ACSS1: variants seen among roughly 807,000 people sequenced by gnomAD.
ACSS1 encodes the protein acetyl-coenzyme A synthetase 2-like, mitochondrial.
In ACSS1, 42 loss-of-function variants were observed where a neutral mutation model predicts 75.3. That is an observed-to-expected ratio of 0.56 (90% CI 0.44 to 0.72). ACSS1 has a LOEUF of 0.72. Among genes scored for constraint, ACSS1 ranks in the 30% least tolerant of loss-of-function variants. ACSS1 has a pLI of 0.00. For missense variants in ACSS1, 782 were observed against 935.7 expected (o/e 0.84, Z 2.14); for synonymous variants, 380 against 376.8 (o/e 1.01, Z -0.10).
At position 25,030,441 on chromosome 20, in the gene ACSS1, TC is replaced by T. The variant is rs1209186121; in HGVS notation, c.631+317del. On this transcript the variant is annotated intron_variant, in intron 3 of 13. Transcript: ENST00000323482. ...TGTGCATCTCCAGCCTTATCCCACCTCCACACTTCCCTCCTGCCGCACTACA... is the reference window on the plus strand; with the variant it reads ...TGTGCATCTCCAGCCTTATCCCACCTCACACTTCCCTCCTGCCGCACTACA... 2.0e-5 allele frequency among the ~76,000 whole-genome samples: 3 copies of T among 152,138 alleles called. No individual in the cohort carries two copies. In the East Asian group the frequency reaches 5.8e-4, roughly 29 times the overall value.
At chr20:25,015,010 C>T (rs1343391662) in intron 8 of ACSS1, 128 bp downstream of exon 8, 8 of 725,298 alleles carry the variant, frequency 1.1e-5, no homozygotes, top group African/African-American at 1.8e-5. Flanking sequence ...CCAGGGTTTC[C>T]GCAGTCTCGG....
chr20:25,009,195 C>T, intron 13 of ACSS1, 75 bp downstream of exon 13: 1 of 1,312,774 alleles, frequency 7.6e-7, no homozygotes, highest in Non-Finnish European at 1.1e-6. Flanking sequence ...TAATATGCTC[C>T]TAAAAGATCA....
At chr20:25,057,459 C>G (rs1400220581) in intron 1 of ACSS1, among the ~76,000 whole-genome samples, 1 of 152,228 alleles carries the variant, frequency 6.6e-6, no homozygotes, top group Non-Finnish European at 1.5e-5. Flanking sequence ...CACCCGGTAA[C>G]GCAACTCTGG....
chr20:25,023,488 T>TC lies in ACSS1; in HGVS notation c.784dup (p.Asp262GlyfsTer25). 1 of 1,613,964 alleles carries TC rather than the reference T, an allele frequency of 6.2e-7. No homozygotes were observed. Among genetic ancestry groups the TC allele is most frequent in the Non-Finnish European group, 8.5e-7 (1 of 1,180,002 alleles). On this transcript the variant is annotated frameshift_variant, in exon 4 of 14. Coordinates refer to ENST00000323482, the MANE Select transcript of ACSS1 (RefSeq NM_032501.4). LOFTEE classifies it high-confidence loss of function. ...CACCTGCTCCAGCGGGACGTCCAGATCCCCCATGTGGACCTTGTTGTCTGT... is the reference window on the plus strand; with the variant it reads ...CACCTGCTCCAGCGGGACGTCCAGATCCCCCCATGTGGACCTTGTTGTCTGT...
intron 2 of ACSS1, among the ~76,000 whole-genome samples, chr20:25,033,680 C>T (rs2088864352): frequency 6.6e-6 from 1 of 152,206 alleles, no homozygotes; most frequent in African/African-American, 2.4e-5. Context: ...GGAGAGTGTC[C>T]TCCAGGAGCA....
At chr20:25,028,551 AC>A (rs2088768180) in intron 3 of ACSS1, among the ~76,000 whole-genome samples, 2 of 152,248 alleles carry the variant, frequency 1.3e-5, no homozygotes, top group African/African-American at 4.8e-5. Context: ...CGCTGGGACC[AC>A]TGGATAGCCA....
rs769108978 is a variant in ACSS1, at chr20:25,012,832, C to T, written c.1687G>A (p.Ala563Thr). 6.8e-6 allele frequency: 11 copies of T among 1,614,020 alleles called. No individual in the cohort carries two copies. The highest frequency in any genetic ancestry group is 5.3e-5 in the African/African-American group (4 of 74,918). ...INISGHRLGT[A>T]EIEDAIADHP... ...CTCACGATGGCGTCCTCAATCTCTG[C>T]GGTCCCCAGCCGGTGGCCACTGATG... The change falls in exon 11 of 14, where the codon GCA becomes ACA. Residue 563 changes from alanine to threonine, a missense_variant. By Grantham distance (58) the Ala-to-Thr change is moderately conservative. This residue lies in a region of ACSS1 where 405 missense variants were observed against 552.6 expected (regional missense o/e 0.73). Transcript: ENST00000323482.
chr20:25,054,601 A>G (rs1195159141), intron 1 of ACSS1, among the ~76,000 whole-genome samples: 4 of 152,326 alleles, frequency 2.6e-5, no homozygotes, highest in South Asian at 4.1e-4. Flanking sequence ...CCCAGCCACC[A>G]TGCTGTGACA....
chr20:25,032,953 G>A (rs1006453379), intron 2 of ACSS1, among the ~76,000 whole-genome samples: 2 of 152,248 alleles, frequency 1.3e-5, no homozygotes, highest in African/African-American at 4.8e-5. Context: ...CAGGCTTTCA[G>A]AAGGAGGACA....
In ACSS1 at chr20:25,007,738, C is replaced by T. The variant is rs1268782207; in HGVS notation, c.*24G>A. The T allele has an allele frequency of 1.9e-6, 3 of 1,611,116 alleles. No individual in the cohort carries two copies. The highest frequency in any genetic ancestry group is 2.5e-6 in the Non-Finnish European group (3 of 1,178,002). Reference sequence around the variant, plus strand: ...GCCAGGGCTTGGGTGCCCGCCCATCCCAAGAGCCCCACAAGGTGCCAGCTC... The same window carrying T: ...GCCAGGGCTTGGGTGCCCGCCCATCTCAAGAGCCCCACAAGGTGCCAGCTC... On this transcript the variant is annotated 3_prime_UTR_variant, in exon 14 of 14. Transcript: ENST00000323482.
At position 25,014,093 on chromosome 20, in the gene ACSS1, G is replaced by A. The variant is rs1252229747; in HGVS notation, c.1340-20C>T. Reference sequence around the variant, plus strand: ...CTGTTTCTGCAGGTATGACAAGAAAGAAATGCATAATCGGCCCCGGACCCA... The same window carrying A: ...CTGTTTCTGCAGGTATGACAAGAAAAAAATGCATAATCGGCCCCGGACCCA... On this transcript the variant is annotated intron_variant, in intron 8 of 13. Coordinates refer to ENST00000323482, the MANE Select transcript of ACSS1 (RefSeq NM_032501.4). 3 of 1,581,548 alleles carry A rather than the reference G, an allele frequency of 1.9e-6. No homozygotes were observed. In the East Asian group the frequency reaches 6.9e-5, roughly 36 times the overall value.
chr20:25,050,642 G>A (rs1349031765), intron 1 of ACSS1, among the ~76,000 whole-genome samples: 1 of 152,034 alleles, frequency 6.6e-6, no homozygotes, highest in Non-Finnish European at 1.5e-5. Flanking sequence ...GATGAAGCAG[G>A]AAGGGCTCGA....
intron 1 of ACSS1, among the ~76,000 whole-genome samples, chr20:25,050,760 A>G (rs866919753): frequency 1.2e-4 from 19 of 152,058 alleles, no homozygotes; most frequent in African/African-American, 4.6e-4. Context: ...CCCAACTTCA[A>G]ACAGGCCCTC....
At chr20:25,024,812 T>C (rs1375160020) in intron 3 of ACSS1, among the ~76,000 whole-genome samples, 2 of 152,162 alleles carry the variant, frequency 1.3e-5, no homozygotes, top group South Asian at 2.1e-4. Context: ...GTCATGGCCA[T>C]GAGGGTTCCC....
At chr20:25,057,643 C>T in intron 1 of ACSS1, 126 bp downstream of exon 1, 2 of 869,940 alleles carry the variant, frequency 2.3e-6, no homozygotes, top group Non-Finnish European at 3.4e-6. Flanking sequence ...GACGGAATAC[C>T]GGAGGAGGGG....
chr20:25,021,316 C>G, intron 6 of ACSS1, 73 bp downstream of exon 6: 1 of 1,557,052 alleles, frequency 6.4e-7, no homozygotes, highest in South Asian at 1.2e-5. Flanking sequence ...ATGAACCTCT[C>G]CACAAGCCTC....
chr20:25,043,099 A>G (rs1226898477), intron 2 of ACSS1, among the ~76,000 whole-genome samples: 1 of 151,952 alleles, frequency 6.6e-6, no homozygotes, highest in Non-Finnish European at 1.5e-5. Context: ...GGCAGGGCAC[A>G]GCCTCCCGCC....
At chr20:25,012,374 T>G (rs1394893848) in intron 12 of ACSS1, 1 of 588,632 alleles carries the variant, frequency 1.7e-6, no homozygotes, top group African/African-American at 1.9e-5. Flanking sequence ...ACTGTGGATG[T>G]GTGTCCTGAA....
chr20:25,012,746 A>G lies in ACSS1; in HGVS notation c.1707+66T>C, dbSNP rs2088433274. On this transcript the variant is annotated intron_variant, in intron 11 of 13. Coordinates refer to ENST00000323482, the MANE Select transcript of ACSS1 (RefSeq NM_032501.4). ...ACTCGGGCCAGGGACTCCCACCCCA[A>G]CTTGCAGGTCCACAGGGGCATCATG... is the stretch of plus-strand genomic sequence containing the variant. 5.0e-6 allele frequency: 8 copies of G among 1,613,110 alleles called. No homozygotes were observed. The East Asian group carries it at 1.8e-4, about 36-fold the overall frequency.
Sources: allele counts gnomAD v4.1 joint callset (sites outside exome capture counted in the v4.1 genomes callset), GRCh38; gene constraint gnomAD v4.1.1; regional missense constraint gnomAD v4.1.1; transcripts MANE v1.5; gene names NCBI Gene and HGNC (gene_info 2026-07-23, HGNC 2026-07-21).